Variants in DPP6 observed in about 807,000 individuals in gnomAD.
The protein encoded by DPP6 is dipeptidyl peptidase like 6.
Under a neutral mutation model 122.6 loss-of-function variants are expected in DPP6, and 69 were observed. The observed-to-expected ratio is 0.56, with a 90% CI of 0.46 to 0.69. The LOEUF (loss-of-function observed/expected upper bound fraction) is 0.69, where lower values mean the gene tolerates loss of function less well. Among genes scored for constraint, DPP6 ranks in the 30% least tolerant of loss-of-function variants. The pLI is 0.00. For synonymous variants in DPP6, 418 were observed against 433.1 expected (o/e 0.97, Z 0.43); for missense variants, 928 against 1,116.9 (o/e 0.83, Z 2.41).
At chr7:154,009,795 G>A (rs1648054964) in intron 1 of DPP6, among the ~76,000 whole-genome samples, 2 of 150,926 alleles carry the variant, frequency 1.3e-5, no homozygotes. Flanking sequence ...CCTCAACCAT[G>A]AAAAGATGTA....
At chr7:153,820,637 A>T in the DPP6 span, among the ~76,000 whole-genome samples, 1 of 152,180 alleles carries the variant, frequency 6.6e-6, no homozygotes, top group Non-Finnish European at 1.5e-5. Flanking sequence ...GCTAGAACGT[A>T]GTCACATAGC....
At chr7:154,300,457 AAGGG>A (rs1184859867) in intron 1 of DPP6, among the ~76,000 whole-genome samples, 2 of 152,160 alleles carry the variant, frequency 1.3e-5, no homozygotes, top group African/African-American at 4.8e-5. Context: ...CCTAGACACA[AAGGG>A]AGGCACTGGC....
At chr7:153,972,596 G>A (rs528910823) in intron 1 of DPP6, among the ~76,000 whole-genome samples, 2,229 of 148,152 alleles carry the variant, frequency 0.015, 45 homozygotes, top group African/African-American at 0.053. Context: ...GGAGCTGAGG[G>A]GCAGGAGGGT....
At chr7:154,852,618 C>A (rs1361839862) in intron 16 of DPP6, among the ~76,000 whole-genome samples, 1 of 152,170 alleles carries the variant, frequency 6.6e-6, no homozygotes, top group Non-Finnish European at 1.5e-5. Flanking sequence ...CAACTCTATT[C>A]AAAACACCCT....
intron 7 of DPP6, among the ~76,000 whole-genome samples, chr7:154,716,531 C>G (rs1164449559): frequency 6.6e-6 from 1 of 152,200 alleles, no homozygotes; most frequent in Non-Finnish European, 1.5e-5. Context: ...TCTTCACCCC[C>G]AGCTATAGTT....
chr7:154,559,356 A>G (rs1430560222), intron 4 of DPP6, among the ~76,000 whole-genome samples: 1 of 151,752 alleles, frequency 6.6e-6, no homozygotes, highest in Non-Finnish European at 1.5e-5. Flanking sequence ...TGAAAAAAAA[A>G]AAAGCCTGAA....
chr7:153,886,614 C>G (rs986415728), upstream of DPP6, among the ~76,000 whole-genome samples: 2 of 152,206 alleles, frequency 1.3e-5, no homozygotes, highest in Non-Finnish European at 2.9e-5. Flanking sequence ...CCCTGCCACC[C>G]GCGCTGGTAG....
At chr7:154,385,604 C>G (rs1008857387) in intron 1 of DPP6, among the ~76,000 whole-genome samples, 3 of 152,128 alleles carry the variant, frequency 2.0e-5, no homozygotes, top group African/African-American at 7.2e-5. Flanking sequence ...CGTGGGTTGT[C>G]ATGAGGTTCA....
At position 153,964,944 on chromosome 7, in the gene DPP6, CTT is replaced by C. The variant is rs1310281386; in HGVS notation, c.51+77212_51+77213del. Among the ~76,000 whole-genome samples the C allele has an allele frequency of 3.8e-3, 221 of 57,952 alleles. 27 individuals are homozygous for C. Among genetic ancestry groups the C allele is most frequent in the African/African-American group, 0.017 (213 of 12,524 alleles). 38.0% of individuals were successfully genotyped at this position (57,952 alleles called of 152,430 possible). A position where few individuals can be genotyped will look rare whatever the true frequency, so the allele number is the denominator to read the frequency against. ...TTTCTTTCTTTCTTTCTTTCTTTTT[CTT>C]TCTTTCTCTCTTTCTTTCTTTCATT... On this transcript the variant is annotated intron_variant, in intron 1 of 25. Coordinates refer to the DPP6 transcript ENST00000404039.
chr7:154,488,989 G>C (rs563989811), intron 3 of DPP6, among the ~76,000 whole-genome samples: 4 of 152,304 alleles, frequency 2.6e-5, no homozygotes, highest in African/African-American at 9.6e-5. Flanking sequence ...TTTACAAAAA[G>C]TGACAGGATG....
At chr7:153,879,924 A>G in the DPP6 span, among the ~76,000 whole-genome samples, 3 of 152,332 alleles carry the variant, frequency 2.0e-5, no homozygotes, top group East Asian at 3.9e-4. Flanking sequence ...AGTCCCCGCT[A>G]TGTTGGTAGA....
Position 154,676,182 on chromosome 7 carries a change from A to G in DPP6, c.762+6741A>G, listed in dbSNP as rs1269770150. ...ACCTCCTACACAGGTGTTCCGGGCTACAGCCTTGCAGCGTGCTGTCTGGAG... is the reference window on the plus strand; with the variant it reads ...ACCTCCTACACAGGTGTTCCGGGCTGCAGCCTTGCAGCGTGCTGTCTGGAG... On this transcript the variant is annotated intron_variant, in intron 7 of 25. Coordinates refer to ENST00000377770, the MANE Select transcript of DPP6 (RefSeq NM_130797.4). Among the ~76,000 whole-genome samples the G allele has an allele frequency of 1.8e-3, 257 of 142,360 alleles. 3 individuals are homozygous for G. Among genetic ancestry groups the G allele is most frequent in the Middle Eastern group, 7.8e-3 (2 of 256 alleles). The allele number at this position is 142,360 out of a possible 152,430, so 93.4% of individuals were successfully genotyped here.
chr7:154,267,226 T>C (rs1803476465), intron 1 of DPP6, among the ~76,000 whole-genome samples: 1 of 151,446 alleles, frequency 6.6e-6, no homozygotes, highest in Non-Finnish European at 1.5e-5. Context: ...CTGATTATAG[T>C]AAGATATAAT....
intron 1 of DPP6, among the ~76,000 whole-genome samples, chr7:154,116,469 T>G (rs1483723592): frequency 6.6e-6 from 1 of 152,212 alleles, no homozygotes; most frequent in East Asian, 1.9e-4. Context: ...GCAGTTCATT[T>G]GTGATTAAAT....
the DPP6 span, among the ~76,000 whole-genome samples, chr7:153,801,567 C>A: frequency 6.6e-6 from 1 of 152,120 alleles, no homozygotes; most frequent in East Asian, 1.9e-4. Context: ...GGAAAGGGGG[C>A]CACTCCAGCC....
chr7:154,065,163 T>C (rs994662225), intron 1 of DPP6, among the ~76,000 whole-genome samples: 1 of 152,106 alleles, frequency 6.6e-6, no homozygotes, highest in Non-Finnish European at 1.5e-5. Context: ...TAATCATAGC[T>C]GCTTGTGATG....
chr7:153,991,280 T>C (rs1373393949), intron 1 of DPP6, among the ~76,000 whole-genome samples: 1 of 152,042 alleles, frequency 6.6e-6, no homozygotes, highest in African/African-American at 2.4e-5. Context: ...AAAAAATACT[T>C]ATATATCTTT....
intron 8 of DPP6, among the ~76,000 whole-genome samples, chr7:154,763,412 G>T (rs781221316): frequency 6.6e-6 from 1 of 152,036 alleles, no homozygotes; most frequent in Non-Finnish European, 1.5e-5. Context: ...AGAAAGGAAA[G>T]AAAGAAAAGA....
At chr7:154,470,972 C>T (rs767143588) in intron 2 of DPP6, among the ~76,000 whole-genome samples, 8 of 152,126 alleles carry the variant, frequency 5.3e-5, no homozygotes, top group Admixed American at 2.6e-4. Flanking sequence ...CAGCTGCAGC[C>T]GGGCATGGTA....
Sources: gnomAD v4.1 joint callset for allele counts (sites outside exome capture counted in the v4.1 genomes callset) on GRCh38, gnomAD v4.1.1 for gene constraint, MANE v1.5 for transcripts, NCBI Gene and HGNC (gene_info 2026-07-23, HGNC 2026-07-21) for gene names.